Variants in HRH3 observed in about 807,000 individuals in gnomAD.
The protein encoded by HRH3 is histamine H3 receptor.
HRH3 carries 13 observed loss-of-function variants against 21.6 expected under a neutral mutation model. The ratio of observed to expected loss-of-function variants is 0.60; its 90% CI spans 0.39 to 0.96. HRH3 has a LOEUF of 0.96. Among genes scored for constraint, HRH3 ranks in the 40% least tolerant of loss-of-function variants. The pLI is 0.00. For synonymous variants in HRH3, 276 were observed against 290.3 expected (o/e 0.95, Z 0.50); for missense variants, 461 against 622.7 (o/e 0.74, Z 2.76).
chr20:62,216,789 C>A lies in HRH3; in HGVS notation c.555G>T (p.Glu185Asp), dbSNP rs1298201528. The A allele has an allele frequency of 1.9e-6, 3 of 1,612,954 alleles. No individual in the cohort carries two copies. In the African/African-American group the frequency reaches 4.0e-5, roughly 22 times the overall value. ...AGAAGAACTCGGCATAGCAGTGGCCCTCGGGGATGGAGCTGCCCCCGGACA... is the reference window on the plus strand; with the variant it reads ...AGAAGAACTCGGCATAGCAGTGGCCATCGGGGATGGAGCTGCCCCCGGACA... ...EYLSGGSSIPEGHCYAEFFYN... is the reference protein window; with the variant it reads ...EYLSGGSSIPDGHCYAEFFYN... The change falls in exon 3 of 3, where the codon GAG becomes GAT. Residue 185 changes from glutamate (E) to aspartate (D), a missense_variant. Physicochemically the swap from Glu to Asp is conservative, Grantham distance 45 (BLOSUM62 2). Around this residue, in one of 6 missense-constraint regions of HRH3, gnomAD observed 74 missense variants for 86.6 expected, o/e 0.85. Transcript: ENST00000340177.
chr20:62,216,509 C>A lies in HRH3; in HGVS notation c.835G>T (p.Glu279Ter). The stretch of plus-strand genomic sequence containing the variant: ...CCGGCCTCAGCGCCTACGGCCGCCT[C>A]ACCCACCCCATACCTGTGCAGCGGC... The part of the protein sequence containing the change: ...AMPLHRYGVG[E>*]AAVGAEAGEA... The change falls in exon 3 of 3, where the codon GAG (glutamate) becomes TAG (stop). Residue 279 changes from glutamate (E) to a stop codon, truncating the protein, a stop_gained. Coordinates refer to ENST00000340177, the MANE Select transcript of HRH3 (RefSeq NM_007232.3). LOFTEE classifies it low-confidence loss of function (END_TRUNC). The A allele has an allele frequency of 6.3e-7, 1 of 1,587,734 alleles. No individual in the cohort carries two copies. The highest frequency in any genetic ancestry group is 8.6e-7 in the Non-Finnish European group (1 of 1,167,980).
At chr20:62,217,106 C>T (rs41284988) in intron 2 of HRH3, among the ~76,000 whole-genome samples, 180 bp from the exon 3 acceptor site, 2 of 152,212 alleles carry the variant, frequency 1.3e-5, no homozygotes, top group East Asian at 1.9e-4. Context: ...ACTGGGGTCC[C>T]GGACTGGTGC....
At position 62,216,325 on chromosome 20, in the gene HRH3, A is replaced by G; in HGVS notation, c.1019T>C (p.Val340Ala). 1.9e-6 allele frequency: 3 copies of G among 1,608,694 alleles called. No homozygotes were observed. The highest frequency in any genetic ancestry group is 2.5e-6 in the Non-Finnish European group (3 of 1,177,520). Residue 340 changes from valine to alanine, a missense_variant, in exon 3 of 3, where the codon GTG (valine) becomes GCG (alanine). By Grantham distance (64) the Val-to-Ala change is moderately conservative (BLOSUM62 0). Around this residue, in one of 6 missense-constraint regions of HRH3, gnomAD observed 102 missense variants for 166.6 expected, o/e 0.61. Transcript: ENST00000340177. The stretch of plus-strand genomic sequence containing the variant: ...AAAGCGCTGGGTGAAGCTCTGGGAC[A>G]CCATCTTCATGCGCTTCTCCAGCGA... ...SASLEKRMKMVSQSFTQRFRL... is the reference protein window; with the variant it reads ...SASLEKRMKMASQSFTQRFRL...
chr20:62,216,999 G>A (rs745993472), intron 2 of HRH3, 73 bp from the exon 3 acceptor site: 230 of 1,402,644 alleles, frequency 1.6e-4, no homozygotes, highest in Non-Finnish European at 2.1e-4. Flanking sequence ...TAGCCTGTGG[G>A]CCCCTATGTG....
Position 62,219,200 on chromosome 20 carries a change from G to A in HRH3, c.250+521C>T, listed in dbSNP as rs1038621838. On this transcript the variant is annotated intron_variant, in intron 1 of 2. Transcript: ENST00000340177. This position sits in a 1 kb window ranked among gnomAD's most constrained non-coding sequence, Gnocchi z 8.7. Reference sequence around the variant, plus strand: ...GAGACGCACCTCACAGCCCCAACAGGTGTCTGGCGCTCCAGCCCCCTCCGC... The same window carrying A: ...GAGACGCACCTCACAGCCCCAACAGATGTCTGGCGCTCCAGCCCCCTCCGC... 6.6e-6 allele frequency among the ~76,000 whole-genome samples: 1 copy of A among 152,092 alleles called. No individual in the cohort carries two copies. Among genetic ancestry groups the A allele is most frequent in the Non-Finnish European group, 1.5e-5 (1 of 67,990 alleles).
At position 62,216,542 on chromosome 20, in the gene HRH3, C is replaced by T. The variant is rs1468796010; in HGVS notation, c.802G>A (p.Glu268Lys). 3 of 1,602,764 alleles carry T rather than the reference C, an allele frequency of 1.9e-6. No homozygotes were observed. Among genetic ancestry groups the T allele is most frequent in the Non-Finnish European group, 2.6e-6 (3 of 1,175,492 alleles). Residue 268 changes from glutamate (E) to lysine (K), a missense_variant, in exon 3 of 3, where the codon GAG (glutamate) becomes AAG (lysine). Around this residue, in one of 6 missense-constraint regions of HRH3, gnomAD observed 163 missense variants for 139.4 expected, o/e 1.17. Transcript: ENST00000340177. ...CWGCWQKGHG[E>K]AMPLHRYGVG... ...CCATACCTGTGCAGCGGCATGGCCT[C>T]CCCGTGCCCCTTCTGCCAGCAGCCC...
chr20:62,216,496 C>T lies in HRH3; in HGVS notation c.848G>A (p.Gly283Asp), dbSNP rs1978561153. ...HRYGVGEAAV[G>D]AEAGEATLGG... ...GAGGGTCGCCTCCCCGGCCTCAGCG[C>T]CTACGGCCGCCTCACCCACCCCATA... The change falls in exon 3 of 3, where the codon GGC becomes GAC. Residue 283 changes from glycine to aspartate, a missense_variant. This residue lies in a region of HRH3 where 163 missense variants were observed against 139.4 expected (regional missense o/e 1.17). Transcript: ENST00000340177. The T allele has an allele frequency of 2.5e-6, 4 of 1,575,630 alleles. No individual in the cohort carries two copies. The highest frequency in any genetic ancestry group is 3.4e-6 in the Non-Finnish European group (4 of 1,161,884).
At position 62,218,742 on chromosome 20, in the gene HRH3, G is replaced by A; in HGVS notation, c.251-85C>T. ...TAAGCGCAGACACCGGCGGGACCTGGGGTCACATGGTGGCTGCTTTTCTGG... is the reference window on the plus strand; with the variant it reads ...TAAGCGCAGACACCGGCGGGACCTGAGGTCACATGGTGGCTGCTTTTCTGG... On this transcript the variant is annotated intron_variant, in intron 1 of 2. Coordinates refer to ENST00000340177, the MANE Select transcript of HRH3 (RefSeq NM_007232.3). The surrounding 1 kb of genome is among the most constrained non-coding windows in gnomAD (Gnocchi z 5.6). 1.5e-6 allele frequency: 2 copies of A among 1,344,146 alleles called. No homozygotes were observed. Among genetic ancestry groups the A allele is most frequent in the Non-Finnish European group, 2.0e-6 (2 of 977,318 alleles). 83.3% of individuals were successfully genotyped at this position (1,344,146 alleles called of 1,614,324 possible). A position where few individuals can be genotyped will look rare whatever the true frequency, so the allele number is the denominator to read the frequency against.
At position 62,216,180 on chromosome 20, in the gene HRH3, G is replaced by A. The variant is rs200178576; in HGVS notation, c.1164C>T (p.Cys388=). 5.5e-5 allele frequency: 89 copies of A among 1,613,362 alleles called. No individual in the cohort carries two copies. The highest frequency in any genetic ancestry group is 2.6e-4 in the South Asian group (24 of 91,054). ...MIIRAACHGH[C]VPDYWYETSF... ...AGGTTTCGTACCAGTAGTCAGGGAC[G>A]CAGTGGCCATGGCAGGCGGCCCGGA... is the stretch of plus-strand genomic sequence containing the variant. The change falls in exon 3 of 3, where the codon TGC becomes TGT. Residue 388 remains cysteine, a synonymous_variant. Coordinates refer to ENST00000340177, the MANE Select transcript of HRH3 (RefSeq NM_007232.3).
At position 62,218,380 on chromosome 20, in the gene HRH3, A is replaced by C; in HGVS notation, c.417+111T>G. On this transcript the variant is annotated intron_variant, in intron 2 of 2. Transcript: ENST00000340177. The surrounding 1 kb of genome is among the most constrained non-coding windows in gnomAD (Gnocchi z 5.6). ...TGTCAGCAGCAAAGCCAGTGGGACC[A>C]AGCCCACTTCTGCCCACAACTCAGA... The C allele has an allele frequency of 1.6e-6, 2 of 1,263,504 alleles. No individual in the cohort carries two copies. The highest frequency in any genetic ancestry group is 2.2e-6 in the Non-Finnish European group (2 of 922,472). The allele number at this position is 1,263,504 out of a possible 1,614,324, so 78.3% of individuals were successfully genotyped here. A position where few individuals can be genotyped will look rare whatever the true frequency, so the allele number is the denominator to read the frequency against.
At position 62,218,343 on chromosome 20, in the gene HRH3, G is replaced by T; in HGVS notation, c.417+148C>A. On this transcript the variant is annotated intron_variant, in intron 2 of 2. Coordinates refer to ENST00000340177, the MANE Select transcript of HRH3 (RefSeq NM_007232.3). This position sits in a 1 kb window ranked among gnomAD's most constrained non-coding sequence, Gnocchi z 5.6. ...GGCCCCGAGTGGGCAGCTGGCCGTC[G>T]AGTGGCCCATGTGTCAGCAGCAAAG... is the stretch of plus-strand genomic sequence containing the variant. The T allele has an allele frequency of 1.1e-6, 1 of 901,416 alleles. No individual in the cohort carries two copies. Among genetic ancestry groups the T allele is most frequent in the Non-Finnish European group, 1.6e-6 (1 of 606,452 alleles). 55.8% of individuals were successfully genotyped at this position (901,416 alleles called of 1,614,324 possible).
At position 62,216,700 on chromosome 20, in the gene HRH3, GTGACGC is replaced by G; in HGVS notation, c.638_643del (p.Ser213_Val214del). ...CAGGTAGATGCTGAGGTTAAAGAAG[GTGACGC>G]TGAGGAAGGGCGTAAAGAACTCCAG... is the stretch of plus-strand genomic sequence containing the variant. On this transcript the variant is annotated inframe_deletion, in exon 3 of 3. Transcript: ENST00000340177. The G allele has an allele frequency of 6.2e-7, 1 of 1,613,286 alleles. No individual in the cohort carries two copies. The highest frequency in any genetic ancestry group is 8.5e-7 in the Non-Finnish European group (1 of 1,180,002).
In HRH3 at chr20:62,216,494, C is replaced by A; in HGVS notation, c.850G>T (p.Ala284Ser). 6.4e-7 allele frequency: 1 copy of A among 1,572,272 alleles called. No homozygotes were observed. The highest frequency in any genetic ancestry group is 8.6e-7 in the Non-Finnish European group (1 of 1,160,122). ...CCGAGGGTCGCCTCCCCGGCCTCAGCGCCTACGGCCGCCTCACCCACCCCA... is the reference window on the plus strand; with the variant it reads ...CCGAGGGTCGCCTCCCCGGCCTCAGAGCCTACGGCCGCCTCACCCACCCCA... ...RYGVGEAAVG[A>S]EAGEATLGGG... Residue 284 changes from alanine to serine, a missense_variant, in exon 3 of 3, where the codon GCT becomes TCT. Around this residue, in one of 6 missense-constraint regions of HRH3, gnomAD observed 163 missense variants for 139.4 expected, o/e 1.17. Transcript: ENST00000340177.
chr20:62,220,057 C>A lies in HRH3; in HGVS notation c.-87G>T, dbSNP rs1429975701. Reference sequence around the variant, plus strand: ...CCGGGAGGGGCCCCGGCCCGGGAGCCTCGTCTTTGCGGGCCCTTGGCCGGG... The same window carrying A: ...CCGGGAGGGGCCCCGGCCCGGGAGCATCGTCTTTGCGGGCCCTTGGCCGGG... On this transcript the variant is annotated 5_prime_UTR_variant, in exon 1 of 3. It adds an upstream start codon to the 5' untranslated region. Coordinates refer to ENST00000340177, the MANE Select transcript of HRH3 (RefSeq NM_007232.3). 1.0e-6 allele frequency: 1 copy of A among 972,488 alleles called. No individual in the cohort carries two copies. The highest frequency in any genetic ancestry group is 1.2e-6 in the Non-Finnish European group (1 of 819,516). The allele number at this position is 972,488 out of a possible 1,614,324, so 60.2% of individuals were successfully genotyped here. A position where few individuals can be genotyped will look rare whatever the true frequency, so the allele number is the denominator to read the frequency against.
Position 62,216,153 on chromosome 20 carries a change from G to C in HRH3, c.1191C>G (p.Ser397=). ...HCVPDYWYET[S]FWLLWANSAV... ...CCGAGTTGGCCCACAGGAGCCAGAAGGAGGTTTCGTACCAGTAGTCAGGGA... is the reference window on the plus strand; with the variant it reads ...CCGAGTTGGCCCACAGGAGCCAGAACGAGGTTTCGTACCAGTAGTCAGGGA... Residue 397 remains serine (S), a synonymous_variant, in exon 3 of 3, where the codon TCC becomes TCG. Transcript: ENST00000340177. 1 of 1,613,438 alleles carries C rather than the reference G, an allele frequency of 6.2e-7. No individual in the cohort carries two copies. Among genetic ancestry groups the C allele is most frequent in the Non-Finnish European group, 8.5e-7 (1 of 1,179,994 alleles).
chr20:62,216,606 G>C lies in HRH3; in HGVS notation c.738C>G (p.Pro246=), dbSNP rs752794807. 6 of 1,609,738 alleles carry C rather than the reference G, an allele frequency of 3.7e-6. No individual in the cohort carries two copies. The highest frequency in any genetic ancestry group is 2.2e-5 in the East Asian group (1 of 44,748). Residue 246 remains proline (P), a synonymous_variant, in exon 3 of 3, where the codon CCC becomes CCG. Coordinates refer to ENST00000340177, the MANE Select transcript of HRH3 (RefSeq NM_007232.3). ...GTGGGGGTGGTGAGGGCTGGGCCTC[G>C]GGAGGGGGCTCGGGGCCGGCTGCCT... ...AREAAGPEPP[P]EAQPSPPPPP...
In HRH3 at chr20:62,219,579, G is replaced by A. The variant is rs1047024172; in HGVS notation, c.250+142C>T. 2.4e-5 allele frequency: 25 copies of A among 1,063,244 alleles called. No homozygotes were observed. In the Admixed American group the frequency reaches 5.5e-4, roughly 24 times the overall value. The allele number at this position is 1,063,244 out of a possible 1,614,324, so 65.9% of individuals were successfully genotyped here. On this transcript the variant is annotated intron_variant, in intron 1 of 2. Coordinates refer to ENST00000340177, the MANE Select transcript of HRH3 (RefSeq NM_007232.3). This position sits in a 1 kb window ranked among gnomAD's most constrained non-coding sequence, Gnocchi z 8.7. ...TTCGCCTGTGCCCCCCACCCCATGGGCTCCGGACGCCCCCTTCCCAGGCCG... is the reference window on the plus strand; with the variant it reads ...TTCGCCTGTGCCCCCCACCCCATGGACTCCGGACGCCCCCTTCCCAGGCCG...
Position 62,215,461 on chromosome 20 carries a change from C to G in HRH3, c.*545G>C. The G allele has an allele frequency of 4.4e-6, 2 of 457,416 alleles. No homozygotes were observed. Among genetic ancestry groups the G allele is most frequent in the Non-Finnish European group, 8.8e-6 (2 of 227,466 alleles). 28.3% of individuals were successfully genotyped at this position (457,416 alleles called of 1,614,324 possible). A position where few individuals can be genotyped will look rare whatever the true frequency, so the allele number is the denominator to read the frequency against. On this transcript the variant is annotated 3_prime_UTR_variant, in exon 3 of 3. Transcript: ENST00000340177. Reference sequence around the variant, plus strand: ...AACAGCTTCGAGGTTCCTAGGGCCCCTTGACACTTTTGGGGGCAGAGAGAG... The same window carrying G: ...AACAGCTTCGAGGTTCCTAGGGCCCGTTGACACTTTTGGGGGCAGAGAGAG...
rs1192230256 is a variant in HRH3 at position 62,218,460 on chromosome 20, G to C, written c.417+31C>G. ...TGGGCGTCCCGACTGTCCCTGCGGA[G>C]TGAACAGGAGCTCCGCAGCCCAGGA... On this transcript the variant is annotated intron_variant, in intron 2 of 2. Transcript: ENST00000340177. This position sits in a 1 kb window ranked among gnomAD's most constrained non-coding sequence, Gnocchi z 5.6. 4 of 1,603,904 alleles carry C rather than the reference G, an allele frequency of 2.5e-6. No individual in the cohort carries two copies. In the Admixed American group the frequency reaches 6.7e-5, roughly 27 times the overall value.
Sources: gnomAD v4.1 joint callset for allele counts (sites outside exome capture counted in the v4.1 genomes callset) on GRCh38, gnomAD v4.1.1 for gene constraint, gnomAD v4.1.1 regional missense constraint, Gnocchi (gnomAD v3.1) non-coding constraint, MANE v1.5 for transcripts, NCBI Gene and HGNC (gene_info 2026-07-23, HGNC 2026-07-21) for gene names.